The following ANK3 variants were observed in gnomAD, a reference collection of about 807,000 sequenced individuals.
ANK3 encodes ankyrin 3, also known as ankyrin-3.
Under a neutral mutation model 370.9 loss-of-function variants are expected in ANK3, and 57 were observed. The observed-to-expected ratio is 0.15, with a 90% CI of 0.12 to 0.19. The LOEUF (loss-of-function observed/expected upper bound fraction) is 0.19. ANK3 is among the 10% of genes least tolerant of loss of function. The probability of loss-of-function intolerance (pLI) is 1.00; values close to 1 mark genes in which losing one functional copy is unlikely to be tolerated. For missense variants in ANK3, 4,439 were observed against 5,302.1 expected (o/e 0.84, Z 5.06); for synonymous variants, 1,929 against 1,946.3 (o/e 0.99, Z 0.23).
chr10:60,030,153 TC>T (rs2073081554), intron 43 of ANK3, among the ~76,000 whole-genome samples: 1 of 151,938 alleles, frequency 6.6e-6, no homozygotes, highest in Non-Finnish European at 1.5e-5. Flanking sequence ...CAACTTTTTT[TC>T]TTTTTTGAGA....
chr10:60,159,472 G>A (rs1163324908), intron 23 of ANK3, among the ~76,000 whole-genome samples: 1 of 151,974 alleles, frequency 6.6e-6, no homozygotes, highest in Non-Finnish European at 1.5e-5. Context: ...ACAATAGGTG[G>A]GGACATTAAC....
chr10:60,405,199 A>G (rs1436115756), intron 2 of ANK3, among the ~76,000 whole-genome samples: 4 of 152,128 alleles, frequency 2.6e-5, no homozygotes, highest in Non-Finnish European at 5.9e-5. Context: ...GACAGAAAAC[A>G]TATGCCCAAA....
At chr10:60,225,017 AAC>A (rs1366584082) in intron 8 of ANK3, among the ~76,000 whole-genome samples, 2 of 151,484 alleles carry the variant, frequency 1.3e-5, no homozygotes, top group African/African-American at 4.9e-5. Flanking sequence ...GGGTTCAAGC[AAC>A]TCTCATGCAT....
intron 7 of ANK3, among the ~76,000 whole-genome samples, chr10:60,260,628 T>C (rs1592643709): frequency 6.6e-6 from 1 of 152,190 alleles, no homozygotes; most frequent in East Asian, 1.9e-4. Context: ...GGGGAAGGAC[T>C]TCTCATGAAT....
Position 60,075,089 on chromosome 10 carries a change from G to A in ANK3, c.5792C>T (p.Pro1931Leu). The change falls in exon 37 of 44, where the codon CCT becomes CTT. Residue 1931 changes from proline to leucine, a missense_variant. Physicochemically the swap from Pro to Leu is moderately conservative, Grantham distance 98. Transcript: ENST00000280772. ...TATTCTCCCTTCCTTTGGGAGTTCAGGTTGGAATGGCTTCTCCTCAGGCAC... is the reference window on the plus strand; with the variant it reads ...TATTCTCCCTTCCTTTGGGAGTTCAAGTTGGAATGGCTTCTCCTCAGGCAC... ...TDVPEEKPFQ[P>L]ELPKEGRIDD... 6.2e-7 allele frequency: 1 copy of A among 1,614,052 alleles called. No homozygotes were observed. The highest frequency in any genetic ancestry group is 8.5e-7 in the Non-Finnish European group (1 of 1,180,000).
intron 42 of ANK3, among the ~76,000 whole-genome samples, chr10:60,047,452 G>A (rs1027721542): frequency 1.3e-5 from 2 of 152,134 alleles, no homozygotes; most frequent in Admixed American, 6.5e-5. Flanking sequence ...GGATTGATGC[G>A]ATATATTTTA....
Position 60,389,725 on chromosome 10 carries a change from G to T in ANK3, c.-187C>A. 1 of 1,429,594 alleles carries T rather than the reference G, an allele frequency of 7.0e-7. No individual in the cohort carries two copies. The allele number at this position is 1,429,594 out of a possible 1,614,324, so 88.6% of individuals were successfully genotyped here. On this transcript the variant is annotated 5_prime_UTR_variant, in exon 1 of 44. Transcript: ENST00000280772. The stretch of plus-strand genomic sequence containing the variant: ...GAAGCTTTTAAAAACCCAAATGATG[G>T]TGTCCGGACTTCATCCTACACCTTC...
chr10:60,080,511 A>G (rs889630540), intron 36 of ANK3, 26 bp downstream of exon 36: 1 of 1,592,258 alleles, frequency 6.3e-7, no homozygotes, highest in African/African-American at 1.3e-5. Flanking sequence ...ATCCACGTAG[A>G]TTAGTAAATG....
chr10:60,057,116 AC>A (rs1407176590), intron 41 of ANK3, among the ~76,000 whole-genome samples: 2 of 152,200 alleles, frequency 1.3e-5, no homozygotes, highest in Non-Finnish European at 2.9e-5. Context: ...TCCTGCCGTT[AC>A]TTTTCCAACT....
intron 2 of ANK3, among the ~76,000 whole-genome samples, chr10:60,535,435 T>A (rs994065215): frequency 4.6e-5 from 7 of 152,126 alleles, no homozygotes; most frequent in East Asian, 1.9e-4. Context: ...AGCCCCTTTA[T>A]CTGAAGAGAT....
At chr10:60,553,375 A>T (rs777608419) in intron 2 of ANK3, among the ~76,000 whole-genome samples, 1 of 150,512 alleles carries the variant, frequency 6.6e-6, no homozygotes, top group Non-Finnish European at 1.5e-5. Context: ...AATCTCATAG[A>T]CTATACCCAG....
chr10:60,146,141 T>C, intron 23 of ANK3: 1 of 1,380,780 alleles, frequency 7.2e-7, no homozygotes, highest in South Asian at 1.5e-5. Context: ...TACATAAGTC[T>C]GCCATGTAGA....
chr10:60,504,720 T>A, intron 2 of ANK3, among the ~76,000 whole-genome samples: 1 of 152,014 alleles, frequency 6.6e-6, no homozygotes, highest in African/African-American at 2.4e-5. Flanking sequence ...ACAACTAGGA[T>A]GAAATAAGAA....
At position 60,270,137 on chromosome 10, in the gene ANK3, G is replaced by T; in HGVS notation, c.507C>A (p.Ala169=). The change falls in exon 5 of 44, where the codon GCC becomes GCA. Residue 169 remains alanine, a synonymous_variant. Coordinates refer to ENST00000280772, the MANE Select transcript of ANK3 (RefSeq NM_020987.5). ...GAAAAAAACAGTATCTTACCTCTGT[G>T]GCTAGGCTCTGGCTTGCACCATTGT... The part of the protein sequence containing the change: ...LLDNGASQSL[A]TEDGFTPLAV... 1.3e-6 allele frequency: 2 copies of T among 1,569,488 alleles called. No individual in the cohort carries two copies. Among genetic ancestry groups the T allele is most frequent in the South Asian group, 2.4e-5 (2 of 84,106 alleles).
At chr10:60,389,275 A>G (rs1460824897) in intron 1 of ANK3, 150 bp downstream of exon 1, 1 of 722,244 alleles carries the variant, frequency 1.4e-6, no homozygotes, top group African/African-American at 1.8e-5. Context: ...ATGTTCTGCC[A>G]TAGGGTTTAT....
At chr10:60,487,254 G>T (rs1463260045) in intron 2 of ANK3, among the ~76,000 whole-genome samples, 1 of 152,118 alleles carries the variant, frequency 6.6e-6, no homozygotes, top group African/African-American at 2.4e-5. Context: ...CCAGTACTTT[G>T]CATTAAGATA....
intron 1 of ANK3, among the ~76,000 whole-genome samples, chr10:60,366,098 G>C (rs10994318): frequency 0.077 from 11,776 of 152,174 alleles, 900 homozygotes; most frequent in East Asian, 0.26. Context: ...AGTTTGGGAG[G>C]CCAAGGCAAA....
chr10:60,582,115 T>C (rs2077762860), intron 2 of ANK3, among the ~76,000 whole-genome samples: 1 of 151,942 alleles, frequency 6.6e-6, no homozygotes, highest in Non-Finnish European at 1.5e-5. Context: ...ACACTGGGGC[T>C]TGTCAGGGGT....
chr10:60,576,371 T>C (rs560020910), intron 2 of ANK3, among the ~76,000 whole-genome samples: 4 of 152,336 alleles, frequency 2.6e-5, no homozygotes, highest in South Asian at 2.1e-4. Flanking sequence ...AACAGATCTA[T>C]TTTTAAAACA....
Sources: gnomAD v4.1 joint callset for allele counts (sites outside exome capture counted in the v4.1 genomes callset) on GRCh38, gnomAD v4.1.1 for gene constraint, MANE v1.5 for transcripts, NCBI Gene and HGNC (gene_info 2026-07-23, HGNC 2026-07-21) for gene names.